MNS1: variants seen among roughly 807,000 people sequenced by gnomAD.
The protein encoded by MNS1 is meiosis-specific nuclear structural protein 1.
In MNS1, 63 loss-of-function variants were observed where a neutral mutation model predicts 72.0. That is an observed-to-expected ratio of 0.87 (90% CI 0.71 to 1.08). MNS1 has a LOEUF of 1.08. Ranked by LOEUF, MNS1 falls within the 50% of genes least tolerant of loss-of-function variation. The probability of loss-of-function intolerance (pLI) is 0.00; values close to 1 mark genes in which losing one functional copy is unlikely to be tolerated. For missense variants in MNS1, 604 were observed against 562.4 expected (o/e 1.07, Z -0.75); for synonymous variants, 188 against 172.1 (o/e 1.09, Z -0.72).
intron 7 of MNS1, among the ~76,000 whole-genome samples, chr15:56,436,705 G>T (rs922359241): frequency 6.6e-6 from 1 of 151,996 alleles, no homozygotes; most frequent in Non-Finnish European, 1.5e-5. Context: ...TTGATAGACC[G>T]CTAGCAAGAC....
At chr15:56,433,614 T>TA (rs2050659350) in intron 8 of MNS1, among the ~76,000 whole-genome samples, 1 of 152,080 alleles carries the variant, frequency 6.6e-6, no homozygotes, top group Non-Finnish European at 1.5e-5. Flanking sequence ...AATAACTTAC[T>TA]TACTGATCTC....
At chr15:56,435,580 G>A (rs1357724544) in intron 7 of MNS1, among the ~76,000 whole-genome samples, 1 of 151,908 alleles carries the variant, frequency 6.6e-6, no homozygotes, top group African/African-American at 2.4e-5. Flanking sequence ...AGATGAAATG[G>A]ATCACTTCCT....
chr15:56,443,579 A>T (rs762493342), intron 6 of MNS1, 42 bp from the exon 7 acceptor site: 1 of 1,584,316 alleles, frequency 6.3e-7, no homozygotes, highest in South Asian at 1.2e-5. Context: ...ATAGGATCCA[A>T]ATTCTGTAAC....
chr15:56,461,863 A>C (rs1339571199), intron 2 of MNS1, among the ~76,000 whole-genome samples: 1 of 152,040 alleles, frequency 6.6e-6, no homozygotes, highest in African/African-American at 2.4e-5. Context: ...CAACATAGGT[A>C]GACACCAATG....
rs1260724340 is a variant in MNS1 at position 56,429,165 on chromosome 15, T to C, written c.1424A>G (p.Asp475Gly). 1.3e-6 allele frequency: 2 copies of C among 1,599,520 alleles called. No homozygotes were observed. The highest frequency in any genetic ancestry group is 1.4e-5 in the African/African-American group (1 of 74,044). ...KGVFKKEDDI[D>G]LLGEEFRKVY... ...TTTCCTGAACTCTTCACCAAGCAGA[T>C]CAATATCATCCTCTTTTTTAAATAC... Residue 475 changes from aspartate (D) to glycine (G), a missense_variant, in exon 10 of 10, where the codon GAT becomes GGT. Coordinates refer to ENST00000260453, the MANE Select transcript of MNS1 (RefSeq NM_018365.4).
intron 7 of MNS1, among the ~76,000 whole-genome samples, chr15:56,442,691 G>C (rs1229338172): frequency 6.6e-6 from 1 of 152,126 alleles, no homozygotes; most frequent in Non-Finnish European, 1.5e-5. Context: ...TAAATATTGA[G>C]TACACGTGGA....
At chr15:56,429,896 ATATC>A (rs1450933300) in intron 9 of MNS1, 2 of 152,194 alleles carry the variant, frequency 1.3e-5, no homozygotes, top group African/African-American at 4.8e-5. Flanking sequence ...CTCTACAAAA[ATATC>A]AAATCCCAAA....
intron 3 of MNS1, among the ~76,000 whole-genome samples, chr15:56,453,262 T>C (rs1343706656): frequency 2.6e-5 from 4 of 152,220 alleles, no homozygotes; most frequent in African/African-American, 9.6e-5. Context: ...TTACTATACA[T>C]GTACCTCTTG....
intron 3 of MNS1, among the ~76,000 whole-genome samples, chr15:56,448,580 T>G (rs2050924665): frequency 6.6e-6 from 1 of 152,158 alleles, no homozygotes; most frequent in African/African-American, 2.4e-5. Flanking sequence ...TGTTTTTATG[T>G]CTGTAGAGTA....
At chr15:56,429,841 G>A (rs998004336) in intron 9 of MNS1, 6 of 152,052 alleles carry the variant, frequency 3.9e-5, no homozygotes, top group Middle Eastern at 3.2e-3. Context: ...GTCATTTTTG[G>A]ATATCAAGTT....
At chr15:56,459,036 C>T (rs772796385) in intron 2 of MNS1, among the ~76,000 whole-genome samples, 50 of 152,120 alleles carry the variant, frequency 3.3e-4, no homozygotes, top group Non-Finnish European at 2.9e-4. Flanking sequence ...TTGTGTGTGG[C>T]ATAAAATGTC....
rs187891059 is a variant in MNS1, at chr15:56,464,847, A to G, written c.3+123T>C. 93 of 1,412,478 alleles carry G rather than the reference A, an allele frequency of 6.6e-5. 2 individuals carry two copies. In the East Asian group the frequency reaches 2.1e-3, roughly 33 times the overall value. 87.5% of individuals were successfully genotyped at this position (1,412,478 alleles called of 1,614,324 possible). On this transcript the variant is annotated intron_variant, in intron 1 of 9. Transcript: ENST00000260453. ...TAGCACCTGAAGCCTCCGAAAGCAA[A>G]TACAAGTTCCCCAATTAATGACCAG...
At chr15:56,445,639 CACTT>C (rs1412386539) in intron 4 of MNS1, 5 of 151,634 alleles carry the variant, frequency 3.3e-5, no homozygotes, top group Admixed American at 3.3e-4. Flanking sequence ...GATTACCACA[CACTT>C]ACCGAAAACA....
chr15:56,431,581 AT>A, intron 8 of MNS1, 83 bp from the exon 9 acceptor site: 1 of 1,362,864 alleles, frequency 7.3e-7, no homozygotes, highest in Non-Finnish European at 1.0e-6. Flanking sequence ...CATGCAATGA[AT>A]TAGATAAAAT....
intron 2 of MNS1, among the ~76,000 whole-genome samples, chr15:56,463,336 T>G (rs1283205691): frequency 3.3e-5 from 5 of 152,308 alleles, no homozygotes; most frequent in African/African-American, 1.2e-4. Context: ...AAACTGGTAG[T>G]AATTACAGAG....
At chr15:56,464,579 C>CCCACCACCA (rs3050228) in intron 1 of MNS1, among the ~76,000 whole-genome samples, 2 of 150,396 alleles carry the variant, frequency 1.3e-5, no homozygotes, top group Non-Finnish European at 3.0e-5. Flanking sequence ...CCTCATTCCA[C>CCCACCACCA]CCACCACCAC....
intron 3 of MNS1, among the ~76,000 whole-genome samples, chr15:56,454,893 A>G (rs932943099): frequency 1.3e-5 from 2 of 152,142 alleles, no homozygotes; most frequent in African/African-American, 4.8e-5. Context: ...ATAAAATCTA[A>G]TTCTGTATTA....
In MNS1 at chr15:56,433,222, G is replaced by A. The variant is rs533366735; in HGVS notation, c.1269+916C>T. 7.4e-5 allele frequency among the ~76,000 whole-genome samples: 11 copies of A among 149,458 alleles called. No individual in the cohort carries two copies. The South Asian group carries it at 2.2e-3, about 30-fold the overall frequency. ...AAGATGGAAGTGACACATGGACACA[G>A]GGAGAGGAACATCATCACACACCAG... On this transcript the variant is annotated intron_variant, in intron 8 of 9. Transcript: ENST00000260453.
intron 7 of MNS1, among the ~76,000 whole-genome samples, chr15:56,436,884 C>T (rs1409457006): frequency 6.6e-6 from 1 of 152,006 alleles, no homozygotes; most frequent in Non-Finnish European, 1.5e-5. Context: ...ACACATACAC[C>T]CTCCCAAGAC....
Sources: gnomAD v4.1 joint callset for allele counts (sites outside exome capture counted in the v4.1 genomes callset) on GRCh38, gnomAD v4.1.1 for gene constraint, MANE v1.5 for transcripts, NCBI Gene and HGNC (gene_info 2026-07-23, HGNC 2026-07-21) for gene names.